The following ZRANB3 variants were observed in gnomAD, a reference collection of about 807,000 sequenced individuals.
ZRANB3 encodes zinc finger RANBP2-type containing 3.
ZRANB3 carries 125 observed loss-of-function variants against 133.8 expected under a neutral mutation model. That is an observed-to-expected ratio of 0.93 (90% CI 0.81 to 1.08). The LOEUF is 1.08. ZRANB3 is among the 50% of genes least tolerant of loss of function. The probability of loss-of-function intolerance (pLI) is 0.00; values close to 1 mark genes in which losing one functional copy is unlikely to be tolerated. For synonymous variants in ZRANB3, 387 were observed against 432.7 expected, an observed-to-expected ratio of 0.89 and a Z score of 1.31; for missense variants, 1,229 against 1,275.5, an observed-to-expected ratio of 0.96 and a Z score of 0.56.
chr2:135,350,426 C>T (rs889978852), intron 4 of ZRANB3, among the ~76,000 whole-genome samples: 1 of 152,108 alleles, frequency 6.6e-6, no homozygotes. Flanking sequence ...TTAACCAAAA[C>T]CAAAATTTTA....
chr2:135,461,309 C>CCTGT (rs1346075410), intron 2 of ZRANB3, among the ~76,000 whole-genome samples: 2 of 152,194 alleles, frequency 1.3e-5, no homozygotes, highest in Admixed American at 6.5e-5. Context: ...GTGGCTCACG[C>CCTGT]CTGTAATCCC....
At chr2:135,410,021 T>C (rs188001794) in intron 2 of ZRANB3, among the ~76,000 whole-genome samples, 1 of 152,296 alleles carries the variant, frequency 6.6e-6, no homozygotes, top group East Asian at 1.9e-4. Context: ...CTCATGCTCA[T>C]GGACACAAAG....
In ZRANB3 at chr2:135,504,126, T is replaced by C. The variant is rs1298305056; in HGVS notation, c.161+203A>G. 7 of 654,736 alleles carry C rather than the reference T, an allele frequency of 1.1e-5. No homozygotes were observed. In the South Asian group the frequency reaches 1.1e-4, roughly 10 times the overall value. 40.6% of individuals were successfully genotyped at this position (654,736 alleles called of 1,614,324 possible). A position where few individuals can be genotyped will look rare whatever the true frequency, so the allele number is the denominator to read the frequency against. ...ATAATTAAGATAACTGAACATACTT[T>C]CTCTTAAGAAATCACAATTGGTTCA... is the stretch of plus-strand genomic sequence containing the variant. On this transcript the variant is annotated intron_variant, in intron 2 of 20. Transcript: ENST00000264159.
chr2:135,308,137 T>G (rs754637055), intron 8 of ZRANB3, among the ~76,000 whole-genome samples: 2 of 152,046 alleles, frequency 1.3e-5, no homozygotes, highest in African/African-American at 4.8e-5. Context: ...GGTGTTCCTG[T>G]CCCCCACCAC....
At chr2:135,455,655 G>A (rs1441356795) in intron 2 of ZRANB3, among the ~76,000 whole-genome samples, 4 of 145,140 alleles carry the variant, frequency 2.8e-5, no homozygotes, top group African/African-American at 5.1e-5. Flanking sequence ...GCAGTGGCGC[G>A]ATCTCGGCTC....
chr2:135,350,192 G>T lies in ZRANB3; in HGVS notation c.383C>A (p.Thr128Lys), dbSNP rs1315520313. 1.9e-6 allele frequency: 3 copies of T among 1,600,368 alleles called. No homozygotes were observed. The highest frequency in any genetic ancestry group is 1.7e-5 in the Admixed American group (1 of 57,602). The change falls in exon 5 of 21, where the codon ACA (threonine) becomes AAA (lysine). Residue 128 changes from threonine (T) to lysine (K), a missense_variant. Transcript: ENST00000264159. The part of the protein sequence containing the change: ...DVRRMSTSKV[T>K]VLGYGLLTAD... ...GGTTAAGAGACCATAACCCAGAACTGTCACTTTACTGGTCGACATTCTCCT... is the reference window on the plus strand; with the variant it reads ...GGTTAAGAGACCATAACCCAGAACTTTCACTTTACTGGTCGACATTCTCCT...
At chr2:135,383,227 C>T (rs1224557122) in intron 3 of ZRANB3, among the ~76,000 whole-genome samples, 1 of 151,958 alleles carries the variant, frequency 6.6e-6, no homozygotes, top group African/African-American at 2.4e-5. Flanking sequence ...TTTAAACCAA[C>T]AAAGATCAAA....
intron 5 of ZRANB3, among the ~76,000 whole-genome samples, chr2:135,348,050 G>T (rs1366416366): frequency 6.6e-6 from 1 of 152,092 alleles, no homozygotes; most frequent in Admixed American, 6.6e-5. Flanking sequence ...CTTGAGGCCA[G>T]GAGTTTGAGA....
chr2:135,334,556 C>T (rs898912851), intron 6 of ZRANB3, among the ~76,000 whole-genome samples: 1 of 152,054 alleles, frequency 6.6e-6, no homozygotes, highest in African/African-American at 2.4e-5. Flanking sequence ...ATGCTGAGGA[C>T]AAAGGAGGGA....
At chr2:135,275,235 G>A (rs1333077163) in intron 9 of ZRANB3, among the ~76,000 whole-genome samples, 7 of 151,634 alleles carry the variant, frequency 4.6e-5, no homozygotes, top group South Asian at 2.1e-4. Flanking sequence ...CGGACGGGGC[G>A]GCTGGCCGGG....
intron 2 of ZRANB3, among the ~76,000 whole-genome samples, chr2:135,470,701 C>T (rs544003723): frequency 3.4e-4 from 52 of 151,914 alleles, no homozygotes; most frequent in African/African-American, 1.2e-3. Context: ...CAAATCAAAA[C>T]AGAACAAAAA....
intron 8 of ZRANB3, among the ~76,000 whole-genome samples, chr2:135,292,698 G>A (rs961811817): frequency 6.6e-6 from 1 of 152,122 alleles, no homozygotes; most frequent in Non-Finnish European, 1.5e-5. Flanking sequence ...GTATTGCCTA[G>A]GTTTTCTTCT....
intron 8 of ZRANB3, among the ~76,000 whole-genome samples, chr2:135,285,359 GC>G (rs1681304345): frequency 6.6e-6 from 1 of 152,036 alleles, no homozygotes; most frequent in Non-Finnish European, 1.5e-5. Context: ...ATTGATTATT[GC>G]TGACTTTCCT....
intron 8 of ZRANB3, among the ~76,000 whole-genome samples, chr2:135,312,842 C>G (rs529080719): frequency 2.0e-5 from 3 of 151,584 alleles, no homozygotes; most frequent in African/African-American, 7.3e-5. Flanking sequence ...ATGATGGACC[C>G]TGTCTCTACT....
In ZRANB3 at chr2:135,207,191, T is replaced by TAATAAATA. The variant is rs377329317; in HGVS notation, c.3009+235_3009+242dup. Among the ~76,000 whole-genome samples the TAATAAATA allele has an allele frequency of 2.7e-5, 4 of 149,544 alleles. No individual in the cohort carries two copies. In the South Asian group the frequency reaches 6.3e-4, roughly 24 times the overall value. On this transcript the variant is annotated intron_variant, in intron 19 of 20. Coordinates refer to ENST00000264159, the MANE Select transcript of ZRANB3 (RefSeq NM_032143.4). Reference sequence around the variant, plus strand: ...CAAAATAAATAAATAAATAAATAAATAATAAATAAATAAATAAATAAATAA... The same window carrying TAATAAATA: ...CAAAATAAATAAATAAATAAATAAATAATAAATAAATAAATAAATAAATAAATAAATAA...
chr2:135,288,546 T>G (rs1195609822), intron 8 of ZRANB3, among the ~76,000 whole-genome samples: 1 of 151,878 alleles, frequency 6.6e-6, no homozygotes, highest in African/African-American at 2.4e-5. Context: ...GAACTTTCTT[T>G]TGTTGGCAAT....
intron 8 of ZRANB3, among the ~76,000 whole-genome samples, chr2:135,295,339 C>A (rs1395191418): frequency 6.6e-6 from 1 of 152,106 alleles, no homozygotes; most frequent in East Asian, 1.9e-4. Flanking sequence ...TAATGGCCTT[C>A]TTTGTCTCTT....
rs374450905 is a variant in ZRANB3 at position 135,402,295 on chromosome 2, CTTTTTTT to C, written c.162-11482_162-11476del. Among the ~76,000 whole-genome samples the C allele has an allele frequency of 2.2e-5, 3 of 133,870 alleles. 1 individual carries two copies. The highest frequency in any genetic ancestry group is 1.6e-5 in the Non-Finnish European group (1 of 64,084). 87.8% of individuals were successfully genotyped at this position (133,870 alleles called of 152,430 possible). A position where few individuals can be genotyped will look rare whatever the true frequency, so the allele number is the denominator to read the frequency against. On this transcript the variant is annotated intron_variant, in intron 2 of 20. Coordinates refer to ENST00000264159, the MANE Select transcript of ZRANB3 (RefSeq NM_032143.4). The stretch of plus-strand genomic sequence containing the variant: ...ACACGTGTTAGTTCATTCTTTCTCT[CTTTTTTT>C]TTTTTTTTTTGAGACGGAGTCTCGC...
chr2:135,456,145 T>C (rs1690509395), intron 2 of ZRANB3, among the ~76,000 whole-genome samples: 1 of 152,192 alleles, frequency 6.6e-6, no homozygotes, highest in Admixed American at 6.5e-5. Flanking sequence ...CTTGGCTATA[T>C]AGCAAATAGA....
Sources: gnomAD v4.1 joint callset for allele counts (sites outside exome capture counted in the v4.1 genomes callset) on GRCh38, gnomAD v4.1.1 for gene constraint, MANE v1.5 for transcripts, NCBI Gene and HGNC (gene_info 2026-07-23, HGNC 2026-07-21) for gene names.